Variants in SCHIP1 observed in about 807,000 individuals in gnomAD.
SCHIP1 encodes the protein schwannomin-interacting protein 1.
In SCHIP1, 8 loss-of-function variants were observed where a neutral mutation model predicts 29.7. The observed-to-expected ratio is 0.27, with a 90% CI of 0.16 to 0.49. SCHIP1 has a LOEUF of 0.49. SCHIP1 is among the 20% of genes least tolerant of loss of function. The pLI is 0.99. For synonymous variants in SCHIP1, 76 were observed against 94.9 expected, an observed-to-expected ratio of 0.80 and a Z score of 1.16; for missense variants, 193 against 294.6, an observed-to-expected ratio of 0.66 and a Z score of 2.52.
At chr3:159,376,504 G>T in the SCHIP1 span, among the ~76,000 whole-genome samples, 2 of 152,114 alleles carry the variant, frequency 1.3e-5, no homozygotes, top group African/African-American at 2.4e-5. Context: ...ACCACTTTAA[G>T]GACCCCTAAT....
At chr3:159,441,859 CTATTAT>C in the SCHIP1 span, among the ~76,000 whole-genome samples, 2 of 151,218 alleles carry the variant, frequency 1.3e-5, no homozygotes, top group African/African-American at 2.4e-5. Context: ...ATTATTATTA[CTATTAT>C]TATTATTATT....
the SCHIP1 span, among the ~76,000 whole-genome samples, chr3:159,833,137 A>C: frequency 0.013 from 2,055 of 152,308 alleles, 39 homozygotes; most frequent in African/African-American, 0.047. Flanking sequence ...CTGCTATAAC[A>C]AAGTCTTCCA....
chr3:159,847,929 T>A (rs932027526), intron 1 of SCHIP1, among the ~76,000 whole-genome samples: 86 of 152,322 alleles, frequency 5.6e-4, no homozygotes, highest in African/African-American at 2.0e-3. Context: ...GTTATAAATC[T>A]AATACATGGA....
chr3:159,621,409 T>C, the SCHIP1 span, among the ~76,000 whole-genome samples: 1 of 152,230 alleles, frequency 6.6e-6, no homozygotes, highest in Non-Finnish European at 1.5e-5. Flanking sequence ...AAGTTCTTCA[T>C]AGCCACTAAC....
the SCHIP1 span, among the ~76,000 whole-genome samples, chr3:159,607,746 G>A: frequency 2.0e-5 from 3 of 152,152 alleles, no homozygotes; most frequent in African/African-American, 7.2e-5. Flanking sequence ...CTGTGAGGTA[G>A]CTGGGACAGA....
At chr3:159,504,700 T>C in the SCHIP1 span, among the ~76,000 whole-genome samples, 7 of 152,140 alleles carry the variant, frequency 4.6e-5, no homozygotes, top group African/African-American at 1.2e-4. Flanking sequence ...ACTAGCTTTA[T>C]GTAGAGAATC....
chr3:159,325,419 C>T, the SCHIP1 span, among the ~76,000 whole-genome samples: 1 of 152,098 alleles, frequency 6.6e-6, no homozygotes, highest in Non-Finnish European at 1.5e-5. Context: ...TATACATACA[C>T]ATACACACAT....
chr3:159,594,044 G>T, the SCHIP1 span, among the ~76,000 whole-genome samples: 1 of 152,208 alleles, frequency 6.6e-6, no homozygotes, highest in Non-Finnish European at 1.5e-5. Flanking sequence ...CAGCATTGCT[G>T]TCTGCTAACT....
At chr3:159,373,426 T>G in the SCHIP1 span, among the ~76,000 whole-genome samples, 4 of 152,054 alleles carry the variant, frequency 2.6e-5, no homozygotes. Context: ...TTTATCAATT[T>G]TGAGGTGAGA....
the SCHIP1 span, among the ~76,000 whole-genome samples, chr3:159,347,457 C>CCTGT: frequency 6.6e-6 from 1 of 152,140 alleles, no homozygotes; most frequent in African/African-American, 2.4e-5. Context: ...AACGATAATA[C>CCTGT]CTGTCTACCA....
chr3:159,853,085 G>T, intron 1 of SCHIP1: 2 of 291,660 alleles, frequency 6.9e-6, no homozygotes, highest in East Asian at 5.9e-5. Flanking sequence ...GATCATTCAG[G>T]GGAAGGTGAC....
chr3:159,637,243 T>C, the SCHIP1 span, among the ~76,000 whole-genome samples: 506 of 152,276 alleles, frequency 3.3e-3, 3 homozygotes, highest in African/African-American at 0.011. Context: ...ATCACCACAC[T>C]GAAAATGTAG....
At chr3:159,473,459 C>A in the SCHIP1 span, among the ~76,000 whole-genome samples, 1 of 151,660 alleles carries the variant, frequency 6.6e-6, no homozygotes, top group African/African-American at 2.4e-5. Flanking sequence ...TAAAAGAAAT[C>A]ATAAAGAATT....
At chr3:159,679,238 G>GA in the SCHIP1 span, among the ~76,000 whole-genome samples, 1,117 of 136,162 alleles carry the variant, frequency 8.2e-3, 7 homozygotes, top group South Asian at 0.022. Context: ...GTGTTATGAA[G>GA]AAAAAAAAAA....
At chr3:159,484,410 G>C in the SCHIP1 span, among the ~76,000 whole-genome samples, 1,248 of 152,282 alleles carry the variant, frequency 8.2e-3, 16 homozygotes, top group African/African-American at 0.028. Context: ...TCATTGCTTA[G>C]ATAATTATGG....
the SCHIP1 span, among the ~76,000 whole-genome samples, chr3:159,302,288 G>C: frequency 6.6e-6 from 1 of 152,118 alleles, no homozygotes; most frequent in Non-Finnish European, 1.5e-5. Context: ...AATTAGCAAA[G>C]TACTTGGTTT....
the SCHIP1 span, among the ~76,000 whole-genome samples, chr3:159,795,203 G>A: frequency 6.6e-6 from 1 of 152,154 alleles, no homozygotes; most frequent in African/African-American, 2.4e-5. Context: ...TGACCTTAGA[G>A]CAGGATAGAA....
the SCHIP1 span, among the ~76,000 whole-genome samples, chr3:159,358,416 G>A: frequency 6.6e-6 from 1 of 152,318 alleles, no homozygotes; most frequent in African/African-American, 2.4e-5. Context: ...TTGGGAAATG[G>A]CAAGAGATAT....
chr3:159,642,241 A>G, the SCHIP1 span, among the ~76,000 whole-genome samples: 1 of 152,150 alleles, frequency 6.6e-6, no homozygotes, highest in Non-Finnish European at 1.5e-5. Context: ...TAATATTAGT[A>G]TGAGTAGTGA....
Sources: gnomAD v4.1 joint callset for allele counts (sites outside exome capture counted in the v4.1 genomes callset) on GRCh38, gnomAD v4.1.1 for gene constraint, MANE v1.5 for transcripts, NCBI Gene and HGNC (gene_info 2026-07-23, HGNC 2026-07-21) for gene names.